The following CPLX1 variants were observed in gnomAD, a reference collection of about 807,000 sequenced individuals.
The protein encoded by CPLX1 is complexin-1.
CPLX1 carries 6 observed loss-of-function variants against 15.6 expected under a neutral mutation model. The observed-to-expected ratio is 0.39, with a 90% CI of 0.21 to 0.76. The LOEUF is 0.76. Among genes scored for constraint, CPLX1 ranks in the 30% least tolerant of loss-of-function variants. The pLI, the probability that CPLX1 is intolerant of heterozygous loss-of-function variation, is 0.43. For synonymous variants in CPLX1, 91 were observed against 75.2 expected, an observed-to-expected ratio of 1.21 and a Z score of -1.08; for missense variants, 242 against 188.6, an observed-to-expected ratio of 1.28 and a Z score of -1.66.
chr4:807,274 T>C (rs1746573083), intron 2 of CPLX1, among the ~76,000 whole-genome samples: 1 of 152,044 alleles, frequency 6.6e-6, no homozygotes, highest in Non-Finnish European at 1.5e-5. Context: ...AGTTGAACAT[T>C]GAGAACACAT....
intron 1 of CPLX1, among the ~76,000 whole-genome samples, chr4:825,334 G>A (rs1193325781): frequency 1.3e-5 from 2 of 152,208 alleles, no homozygotes; most frequent in African/African-American, 4.8e-5. Flanking sequence ...CCAGGTCCCT[G>A]GAGAGACACT....
At chr4:792,030 G>A (rs59157526) in intron 3 of CPLX1, among the ~76,000 whole-genome samples, 27,096 of 152,170 alleles carry the variant, frequency 0.18, 2,520 homozygotes, top group Middle Eastern at 0.21. Flanking sequence ...ACTCTGGGCC[G>A]CCTCGTGAAT....
rs1346103134 is a variant in CPLX1, at chr4:786,480, G to C, written c.*21C>G. The C allele has an allele frequency of 3.3e-6, 5 of 1,535,312 alleles. No individual in the cohort carries two copies. In the Admixed American group the frequency reaches 5.9e-5, roughly 18 times the overall value. The stretch of plus-strand genomic sequence containing the variant: ...TAGGGGGAGGGGCGGGGGCTCCGCG[G>C]GGCCGCTGTCCCGCGCGCGGCTACT... On this transcript the variant is annotated 3_prime_UTR_variant, in exon 4 of 4. Transcript: ENST00000304062.
At chr4:794,037 G>A (rs1746262657) in intron 2 of CPLX1, among the ~76,000 whole-genome samples, 2 of 152,238 alleles carry the variant, frequency 1.3e-5, no homozygotes, top group Admixed American at 6.5e-5. Flanking sequence ...GGGAAGCTCC[G>A]TGCTATACGG....
At position 820,878 on chromosome 4, in the gene CPLX1, C is replaced by T. The variant is rs374677162; in HGVS notation, c.31+3614G>A. Among the ~76,000 whole-genome samples the T allele has an allele frequency of 7.2e-4, 109 of 152,248 alleles. 2 individuals are homozygous for T. The highest frequency in any genetic ancestry group is 2.2e-3 in the African/African-American group (91 of 41,538). On this transcript the variant is annotated intron_variant, in intron 2 of 3. Transcript: ENST00000304062. ...CACAAGCCCCTTGGGTTGTTCCTGC[C>T]GAGAACTCACAGCCCAGCCCCACGG...
intron 2 of CPLX1, among the ~76,000 whole-genome samples, chr4:810,495 G>A (rs1459596237): frequency 6.6e-6 from 1 of 152,180 alleles, no homozygotes; most frequent in African/African-American, 2.4e-5. Flanking sequence ...TGGAGAGCAT[G>A]AGGGCGTGGG....
At chr4:806,645 C>G (rs559589273) in intron 2 of CPLX1, among the ~76,000 whole-genome samples, 3 of 152,220 alleles carry the variant, frequency 2.0e-5, no homozygotes, top group Non-Finnish European at 2.9e-5. Context: ...ATCTATCCAT[C>G]TGACAAAGGT....
chr4:786,347 CG>C lies in CPLX1; in HGVS notation c.*153del. On this transcript the variant is annotated 3_prime_UTR_variant, in exon 4 of 4. Transcript: ENST00000304062. ...GGTCCTGGGGGCGCGCGCCCCTTGC[CG>C]GGTGAGGGAGGCGGCGGGCGCGGGC... 1 of 760,800 alleles carries C rather than the reference CG, an allele frequency of 1.3e-6. No individual in the cohort carries two copies. Among genetic ancestry groups the C allele is most frequent in the Non-Finnish European group, 1.9e-6 (1 of 525,384 alleles). 47.1% of individuals were successfully genotyped at this position (760,800 alleles called of 1,614,324 possible). A position where few individuals can be genotyped will look rare whatever the true frequency, so the allele number is the denominator to read the frequency against.
chr4:808,842 C>T (rs1560243927), intron 2 of CPLX1, among the ~76,000 whole-genome samples: 2 of 152,232 alleles, frequency 1.3e-5, no homozygotes, highest in Admixed American at 6.5e-5. Flanking sequence ...TAAGAATTCA[C>T]AGATGGATTC....
chr4:799,764 G>A (rs909254782), intron 2 of CPLX1, among the ~76,000 whole-genome samples: 1 of 152,178 alleles, frequency 6.6e-6, no homozygotes, highest in African/African-American at 2.4e-5. Flanking sequence ...TCAGTAGGCT[G>A]AGGCACAAGA....
In CPLX1 at chr4:824,473, C is replaced by T. The variant is rs746273572; in HGVS notation, c.31+19G>A. The T allele has an allele frequency of 1.9e-6, 3 of 1,610,896 alleles. No individual in the cohort carries two copies. Among genetic ancestry groups the T allele is most frequent in the Non-Finnish European group, 2.5e-6 (3 of 1,178,054 alleles). ...CCATGTCCCCTCAGCCCCTCCCCAC[C>T]CCACCTCCCGCTTCCTACCTCCTAG... On this transcript the variant is annotated intron_variant, in intron 2 of 3. Coordinates refer to ENST00000304062, the MANE Select transcript of CPLX1 (RefSeq NM_006651.4).
intron 3 of CPLX1, chr4:787,085 G>A: frequency 1.0e-6 from 1 of 985,376 alleles, no homozygotes; most frequent in South Asian, 4.7e-5. Context: ...GAGGTGGGGA[G>A]AAACAGTCAA....
At chr4:786,802 G>A in intron 3 of CPLX1, 104 bp from the exon 4 acceptor site, 19 of 1,444,998 alleles carry the variant, frequency 1.3e-5, no homozygotes, top group South Asian at 4.3e-5. Context: ...AGGCGTGGGT[G>A]CGGCCCCCTA....
At chr4:793,841 G>A (rs1746256907) in intron 2 of CPLX1, among the ~76,000 whole-genome samples, 1 of 152,192 alleles carries the variant, frequency 6.6e-6, no homozygotes, top group Non-Finnish European at 1.5e-5. Context: ...ACCTCCTAAG[G>A]ACTGCCCCCG....
At chr4:790,534 C>T (rs13105255) in intron 3 of CPLX1, among the ~76,000 whole-genome samples, 60,485 of 151,688 alleles carry the variant, frequency 0.4, 12,969 homozygotes, top group African/African-American at 0.56. Flanking sequence ...CGGTCCCTGA[C>T]GCTGCTGGCC....
At chr4:810,107 T>C (rs888688268) in intron 2 of CPLX1, among the ~76,000 whole-genome samples, 2 of 148,312 alleles carry the variant, frequency 1.3e-5, no homozygotes, top group Non-Finnish European at 3.0e-5. Flanking sequence ...TGGAGTGCAG[T>C]GGCATGATCT....
chr4:786,573 C>T lies in CPLX1; in HGVS notation c.333G>A (p.Glu111=), dbSNP rs986016483. The change falls in exon 4 of 4, where the codon GAG becomes GAA. Residue 111 remains glutamate, a synonymous_variant. Coordinates refer to ENST00000304062, the MANE Select transcript of CPLX1 (RefSeq NM_006651.4). ...CGGTGTCCAGGATGCTCTCGTCCTC[C>T]TCCTCCACCTCGTCCCCGCAGCCCG... ...IPPGCGDEVE[E]EDESILDTVI... The T allele has an allele frequency of 6.8e-6, 11 of 1,610,330 alleles. No homozygotes were observed. The highest frequency in any genetic ancestry group is 5.0e-5 in the Admixed American group (3 of 59,664).
chr4:810,285 G>A (rs541306435), intron 2 of CPLX1, among the ~76,000 whole-genome samples: 37 of 151,878 alleles, frequency 2.4e-4, no homozygotes, highest in Non-Finnish European at 4.0e-4. Context: ...TCCTGACCTC[G>A]TGATCCACCC....
chr4:787,376 C>T lies in CPLX1; in HGVS notation c.208-678G>A. 4 of 985,356 alleles carry T rather than the reference C, an allele frequency of 4.1e-6. No individual in the cohort carries two copies. The South Asian group carries it at 1.4e-4, about 35-fold the overall frequency. The allele number at this position is 985,356 out of a possible 1,614,324, so 61.0% of individuals were successfully genotyped here. A position where few individuals can be genotyped will look rare whatever the true frequency, so the allele number is the denominator to read the frequency against. ...CATCTCCCGTGAGTGCGTCTGCCCT[C>T]CGTAGTAGCTGAATATTGTCCCCCT... On this transcript the variant is annotated intron_variant, in intron 3 of 3. Coordinates refer to ENST00000304062, the MANE Select transcript of CPLX1 (RefSeq NM_006651.4).
Sources: gnomAD v4.1 joint callset for allele counts (sites outside exome capture counted in the v4.1 genomes callset) on GRCh38, gnomAD v4.1.1 for gene constraint, MANE v1.5 for transcripts, NCBI Gene and HGNC (gene_info 2026-07-23, HGNC 2026-07-21) for gene names.